The following SLC39A11 variants were observed in gnomAD, a reference collection of about 807,000 sequenced individuals.
SLC39A11 encodes the protein zinc transporter ZIP11.
SLC39A11 carries 33 observed loss-of-function variants against 36.1 expected under a neutral mutation model. The ratio of observed to expected loss-of-function variants is 0.91; its 90% confidence interval spans 0.69 to 1.22. The LOEUF (loss-of-function observed/expected upper bound fraction) is 1.22. Among genes scored for constraint, SLC39A11 ranks in the 50% most tolerant of loss-of-function variants. The pLI is 0.00. For missense variants in SLC39A11, 432 were observed against 430.3 expected (o/e 1.00, Z -0.03); for synonymous variants, 166 against 170.3 (o/e 0.97, Z 0.20).
At chr17:72,865,300 T>C (rs1197657678) in intron 5 of SLC39A11, among the ~76,000 whole-genome samples, 1 of 151,468 alleles carries the variant, frequency 6.6e-6, no homozygotes, top group Admixed American at 6.6e-5. Context: ...TTCATGGAAT[T>C]CTGCCCCTAT....
chr17:72,678,291 G>T lies in SLC39A11; in HGVS notation c.672-29023C>A, dbSNP rs527367813. Among the ~76,000 whole-genome samples the T allele has an allele frequency of 7.2e-5, 11 of 152,236 alleles. No individual in the cohort carries two copies. The South Asian group carries it at 1.9e-3, about 26-fold the overall frequency. On this transcript the variant is annotated intron_variant, in intron 7 of 9. Coordinates refer to ENST00000255559, the MANE Select transcript of SLC39A11 (RefSeq NM_139177.4). ...CAGGAACTGAATCACCATTTACAAC[G>T]TGTTTTTTTTCCCCCACTGTGGGAA...
chr17:72,694,966 T>C (rs1025023628), intron 7 of SLC39A11, among the ~76,000 whole-genome samples: 1 of 148,504 alleles, frequency 6.7e-6, no homozygotes, highest in Non-Finnish European at 1.5e-5. Flanking sequence ...ATGGCTGCCC[T>C]TAGTTGAGCA....
At chr17:72,771,354 T>TAAAA (rs4036979) in intron 6 of SLC39A11, among the ~76,000 whole-genome samples, 20,724 of 142,520 alleles carry the variant, frequency 0.15, 1,817 homozygotes, top group East Asian at 0.34. Context: ...AGACCCTATC[T>TAAAA]AAAAAAAAAA....
intron 4 of SLC39A11, among the ~76,000 whole-genome samples, chr17:72,976,765 A>C (rs1357012421): frequency 6.6e-6 from 1 of 151,862 alleles, no homozygotes; most frequent in African/African-American, 2.4e-5. Flanking sequence ...CAGGAGAATC[A>C]CTTGAACCCG....
chr17:72,974,806 A>G (rs944817845), intron 4 of SLC39A11, among the ~76,000 whole-genome samples: 1 of 152,176 alleles, frequency 6.6e-6, no homozygotes, highest in African/African-American at 2.4e-5. Flanking sequence ...TCCATTCATG[A>G]TGAGTGCCCT....
chr17:72,865,285 C>T (rs2080242518), intron 5 of SLC39A11, among the ~76,000 whole-genome samples: 1 of 151,028 alleles, frequency 6.6e-6, no homozygotes, highest in Admixed American at 6.6e-5. Context: ...TTTACAAATG[C>T]AAGATTCATG....
chr17:72,869,741 T>G (rs2080508431), intron 5 of SLC39A11, among the ~76,000 whole-genome samples: 2 of 152,186 alleles, frequency 1.3e-5, no homozygotes, highest in Admixed American at 1.3e-4. Flanking sequence ...GAAAAGAAAC[T>G]GGCATGTAAT....
chr17:72,883,248 C>T (rs1213265786), intron 5 of SLC39A11, among the ~76,000 whole-genome samples: 1 of 152,204 alleles, frequency 6.6e-6, no homozygotes, highest in Non-Finnish European at 1.5e-5. Context: ...AGGCCTCCTA[C>T]TGTTAACACA....
intron 7 of SLC39A11, chr17:72,663,804 T>G (rs1031458810): frequency 6.6e-6 from 1 of 152,230 alleles, no homozygotes; most frequent in Non-Finnish European, 1.5e-5. Flanking sequence ...CCTCTCCATC[T>G]GCAGCAAACA....
At position 72,715,131 on chromosome 17, in the gene SLC39A11, C is replaced by A. The variant is rs112186481; in HGVS notation, c.671+21519G>T. On this transcript the variant is annotated intron_variant, in intron 7 of 9. Coordinates refer to ENST00000255559, the MANE Select transcript of SLC39A11 (RefSeq NM_139177.4). The stretch of plus-strand genomic sequence containing the variant: ...GGGTTGGCTGCATACATCTCATGCA[C>A]CCAGCCACGAAAGGGGCCCCGGGAG... Among the ~76,000 whole-genome samples, 23 of 152,308 alleles carry A rather than the reference C, an allele frequency of 1.5e-4. 2 individuals carry two copies. Among genetic ancestry groups the A allele is most frequent in the African/African-American group, 5.3e-4 (22 of 41,570 alleles).
rs980521644 is a variant in SLC39A11, at chr17:73,028,547, A to G, written c.306+3009T>C. 5.2e-4 allele frequency among the ~76,000 whole-genome samples: 79 copies of G among 152,312 alleles called. 1 individual carries two copies. Among genetic ancestry groups the G allele is most frequent in the African/African-American group, 1.9e-3 (78 of 41,564 alleles). The stretch of plus-strand genomic sequence containing the variant: ...ATCCATGTATGAGACCTTCTAAGAC[A>G]AATTCCCCCTCTCACATCGACAGCA... On this transcript the variant is annotated intron_variant, in intron 4 of 9. Transcript: ENST00000255559.
chr17:72,698,459 C>CA (rs61454778), intron 7 of SLC39A11, among the ~76,000 whole-genome samples: 1,053 of 92,910 alleles, frequency 0.011, 7 homozygotes, highest in East Asian at 0.021. Flanking sequence ...TAATAAAAAC[C>CA]AAAAAAAAAA....
intron 4 of SLC39A11, among the ~76,000 whole-genome samples, chr17:72,982,659 T>C (rs1347537398): frequency 1.3e-5 from 2 of 151,770 alleles, no homozygotes; most frequent in Non-Finnish European, 2.9e-5. Flanking sequence ...AATCTGGAAA[T>C]AGAATCTCCA....
In SLC39A11 at chr17:72,929,214, GC is replaced by G. The variant is rs2084235902; in HGVS notation, c.430+18537del. Reference sequence around the variant, plus strand: ...TACCCTATCTGCTCCCTTGTAGACAGCCCTCTAGCGACCATCAGAAGTGTCT... The same window carrying G: ...TACCCTATCTGCTCCCTTGTAGACAGCCTCTAGCGACCATCAGAAGTGTCT... On this transcript the variant is annotated intron_variant, in intron 5 of 9. Transcript: ENST00000255559. Among the ~76,000 whole-genome samples the G allele has an allele frequency of 2.0e-5, 3 of 152,258 alleles. No homozygotes were observed. The South Asian group carries it at 6.2e-4, about 32-fold the overall frequency.
chr17:72,741,714 G>C (rs553876463), intron 6 of SLC39A11, among the ~76,000 whole-genome samples: 18 of 152,272 alleles, frequency 1.2e-4, no homozygotes, highest in African/African-American at 3.6e-4. Flanking sequence ...GATCAGAGAG[G>C]GAAGGTGATG....
intron 4 of SLC39A11, among the ~76,000 whole-genome samples, chr17:72,979,739 A>G (rs1411085145): frequency 1.3e-5 from 2 of 152,122 alleles, no homozygotes; most frequent in Non-Finnish European, 1.5e-5. Context: ...CCCAAAACAA[A>G]TCTTGCCTAT....
chr17:72,972,554 A>G lies in SLC39A11; in HGVS notation c.307-24679T>C, dbSNP rs1344189117. 2.0e-5 allele frequency among the ~76,000 whole-genome samples: 3 copies of G among 152,056 alleles called. 1 individual carries two copies. The East Asian group carries it at 5.8e-4, about 29-fold the overall frequency. ...ATTGAGCTAATCAATATCCTCTCCCATTTCCATTCAGGGGCCCTGAGCCAA... is the reference window on the plus strand; with the variant it reads ...ATTGAGCTAATCAATATCCTCTCCCGTTTCCATTCAGGGGCCCTGAGCCAA... On this transcript the variant is annotated intron_variant, in intron 4 of 9. Coordinates refer to ENST00000255559, the MANE Select transcript of SLC39A11 (RefSeq NM_139177.4).
intron 6 of SLC39A11, among the ~76,000 whole-genome samples, chr17:72,813,124 A>G (rs900275126): frequency 1.3e-5 from 2 of 152,188 alleles, no homozygotes; most frequent in Non-Finnish European, 2.9e-5. Context: ...AGGTTTTGGG[A>G]TGCCTTGCTA....
At chr17:72,914,342 A>G (rs894727853) in intron 5 of SLC39A11, among the ~76,000 whole-genome samples, 8 of 148,194 alleles carry the variant, frequency 5.4e-5, no homozygotes, top group Non-Finnish European at 9.1e-5. Context: ...AAAAAAGAAT[A>G]CAAAATAACA....
Sources: allele counts gnomAD v4.1 joint callset (sites outside exome capture counted in the v4.1 genomes callset), GRCh38; gene constraint gnomAD v4.1.1; transcripts MANE v1.5; gene names NCBI Gene and HGNC (gene_info 2026-07-23, HGNC 2026-07-21).